WASL: variants seen among roughly 807,000 people sequenced by gnomAD.
WASL encodes the protein actin nucleation-promoting factor WASL.
In WASL, 20 loss-of-function variants were observed where a neutral mutation model predicts 55.5. That is an observed-to-expected ratio of 0.36 (90% CI 0.25 to 0.52). The LOEUF is 0.52. Ranked by LOEUF, WASL falls within the 20% of genes least tolerant of loss-of-function variation. The probability of loss-of-function intolerance (pLI) is 0.92; values close to 1 mark genes in which losing one functional copy is unlikely to be tolerated. For missense variants in WASL, 504 were observed against 622.5 expected (o/e 0.81, Z 2.03); for synonymous variants, 249 against 217.6 (o/e 1.14, Z -1.27).
intron 5 of WASL, among the ~76,000 whole-genome samples, chr7:123,702,847 A>T (rs890832211): frequency 6.6e-6 from 1 of 152,180 alleles, no homozygotes; most frequent in Admixed American, 6.5e-5. Flanking sequence ...CCTGGAACTG[A>T]TCCAACATGG....
chr7:123,713,692 T>C (rs533970297), intron 1 of WASL, among the ~76,000 whole-genome samples: 2 of 152,324 alleles, frequency 1.3e-5, no homozygotes, highest in East Asian at 1.9e-4. Flanking sequence ...AATACATTCC[T>C]AGATGCTCTG....
intron 9 of WASL, among the ~76,000 whole-genome samples, chr7:123,691,760 T>G (rs1803412388): frequency 6.6e-6 from 1 of 152,226 alleles, no homozygotes; most frequent in Non-Finnish European, 1.5e-5. Context: ...GAAATTCTAT[T>G]ACAACTCTTT....
At chr7:123,722,742 T>C (rs1454592607) in intron 1 of WASL, among the ~76,000 whole-genome samples, 2 of 152,008 alleles carry the variant, frequency 1.3e-5, no homozygotes, top group Admixed American at 6.6e-5. Context: ...GAGGCAGAGG[T>C]TGCAGTGAGC....
At chr7:123,728,674 T>C (rs1205746264) in intron 1 of WASL, among the ~76,000 whole-genome samples, 1 of 152,208 alleles carries the variant, frequency 6.6e-6, no homozygotes, top group East Asian at 1.9e-4. Flanking sequence ...GCCCCATCTC[T>C]ACTAAAAATA....
intron 1 of WASL, among the ~76,000 whole-genome samples, chr7:123,731,191 T>C (rs777553924): frequency 3.9e-5 from 6 of 152,112 alleles, no homozygotes; most frequent in Admixed American, 6.6e-5. Context: ...CATATATATA[T>C]GCACACATAT....
chr7:123,722,016 G>A (rs6951138), intron 1 of WASL, among the ~76,000 whole-genome samples: 65,673 of 151,904 alleles, frequency 0.43, 14,749 homozygotes, highest in South Asian at 0.66. Context: ...GGTGGGGGCA[G>A]GGGCAGGCGG....
intron 2 of WASL, 29 bp downstream of exon 2, chr7:123,709,060 G>T: frequency 6.3e-7 from 1 of 1,579,038 alleles, no homozygotes. Flanking sequence ...TAATCACCTA[G>T]TTTAAAGTGA....
intron 1 of WASL, among the ~76,000 whole-genome samples, chr7:123,721,817 G>A (rs1046978050): frequency 1.8e-4 from 27 of 152,188 alleles, no homozygotes; most frequent in African/African-American, 6.3e-4. Context: ...TACTCAGGAG[G>A]CTGAGGCAAG....
chr7:123,704,622 C>A lies in WASL; in HGVS notation c.460+12G>T. 6.6e-7 allele frequency: 1 copy of A among 1,510,974 alleles called. No homozygotes were observed. The highest frequency in any genetic ancestry group is 1.2e-5 in the South Asian group (1 of 83,234). The allele number at this position is 1,510,974 out of a possible 1,614,324, so 93.6% of individuals were successfully genotyped here. A position where few individuals can be genotyped will look rare whatever the true frequency, so the allele number is the denominator to read the frequency against. On this transcript the variant is annotated intron_variant, in intron 5 of 10. Coordinates refer to ENST00000223023, the MANE Select transcript of WASL (RefSeq NM_003941.4). ...AAAATCTTAAAAGATTAATAATTGT[C>A]AAAAAGCTTACCATTTGGGGGATCT...
At chr7:123,735,451 G>C (rs1468656) in intron 1 of WASL, among the ~76,000 whole-genome samples, 69,938 of 150,720 alleles carry the variant, frequency 0.46, 16,439 homozygotes, top group South Asian at 0.67. Flanking sequence ...CAGATGATAG[G>C]AGACAGGACA....
intron 10 of WASL, among the ~76,000 whole-genome samples, chr7:123,686,072 A>C (rs953262510): frequency 3.3e-5 from 5 of 151,252 alleles, no homozygotes; most frequent in Admixed American, 1.3e-4. Context: ...GATTGTGTGA[A>C]GGTAGTATTT....
At chr7:123,746,674 A>G (rs1804435733) in intron 1 of WASL, among the ~76,000 whole-genome samples, 1 of 152,258 alleles carries the variant, frequency 6.6e-6, no homozygotes, top group Admixed American at 6.5e-5. Flanking sequence ...AAGATGGCAT[A>G]AAGAAATTAA....
intron 1 of WASL, among the ~76,000 whole-genome samples, chr7:123,732,232 A>T (rs559725837): frequency 6.3e-4 from 96 of 152,328 alleles, no homozygotes; most frequent in African/African-American, 2.1e-3. Context: ...CAGAAGGCTG[A>T]GGCAGGAGAA....
chr7:123,684,575 C>T lies in WASL; in HGVS notation c.1462G>A (p.Asp488Asn), dbSNP rs1448110155. 6.7e-7 allele frequency: 1 copy of T among 1,482,856 alleles called. No homozygotes were observed. Among genetic ancestry groups the T allele is most frequent in the East Asian group, 2.5e-5 (1 of 39,994 alleles). 91.9% of individuals were successfully genotyped at this position (1,482,856 alleles called of 1,614,324 possible). Residue 488 changes from aspartate to asparagine, a missense_variant, in exon 11 of 11, where the codon GAT becomes AAT. By Grantham distance (23) the Asp-to-Asn change is conservative. Around this residue, in one of 5 missense-constraint regions of WASL, gnomAD observed 53 missense variants for 69.1 expected, o/e 0.77. Coordinates refer to ENST00000223023, the MANE Select transcript of WASL (RefSeq NM_003941.4). ...RSKAIHSSDE[D>N]EDEDDEEDFE... is the part of the protein sequence containing the mutation. ...TCTTCTTCATCATCTTCATCTTCAT[C>T]TTCATCTACAAGAAAATCAAGACAA...
Position 123,748,794 on chromosome 7 carries a change from C to CG in WASL, c.-61dup. ...CTCCTCCGGCGAGTGGGCGAGAGCTCGTTCCCCCTCTCGGTGACAGGGGCG... is the reference window on the plus strand; with the variant it reads ...CTCCTCCGGCGAGTGGGCGAGAGCTCGGTTCCCCCTCTCGGTGACAGGGGCG... On this transcript the variant is annotated 5_prime_UTR_variant, in exon 1 of 11. Transcript: ENST00000223023. 7.2e-7 allele frequency: 1 copy of CG among 1,381,788 alleles called. No individual in the cohort carries two copies. Among genetic ancestry groups the CG allele is most frequent in the Non-Finnish European group, 9.6e-7 (1 of 1,036,330 alleles). The allele number at this position is 1,381,788 out of a possible 1,614,324, so 85.6% of individuals were successfully genotyped here. A position where few individuals can be genotyped will look rare whatever the true frequency, so the allele number is the denominator to read the frequency against.
At chr7:123,738,169 G>GGTTA (rs1804270086) in intron 1 of WASL, among the ~76,000 whole-genome samples, 1 of 110,618 alleles carries the variant, frequency 9.0e-6, no homozygotes, top group Non-Finnish European at 2.0e-5. Flanking sequence ...CATTAATAGA[G>GGTTA]GTTAATTACA....
rs1803435642 is a variant in WASL, at chr7:123,692,814, G to T, written c.880C>A (p.Pro294Thr). 1 of 1,416,572 alleles carries T rather than the reference G, an allele frequency of 7.1e-7. No homozygotes were observed. The highest frequency in any genetic ancestry group is 9.2e-7 in the Non-Finnish European group (1 of 1,082,306). The allele number at this position is 1,416,572 out of a possible 1,614,324, so 87.8% of individuals were successfully genotyped here. The change falls in exon 9 of 11, where the codon CCA becomes ACA. Residue 294 changes from proline (P) to threonine (T), a missense_variant. This residue lies in a region of WASL where 201 missense variants were observed against 206.2 expected (regional missense o/e 0.97). Transcript: ENST00000223023. ...GGAGGAGGAGGACCTGAGTTGTGTGGAGGGGGAGGAGGAGGAGGTGGCCCT... is the reference window on the plus strand; with the variant it reads ...GGAGGAGGAGGACCTGAGTTGTGTGTAGGGGGAGGAGGAGGAGGTGGCCCT... ...RGGPPPPPPP[P>T]HNSGPPPPPA...
intron 5 of WASL, among the ~76,000 whole-genome samples, chr7:123,697,027 T>A (rs929059701): frequency 1.3e-5 from 2 of 152,110 alleles, no homozygotes; most frequent in African/African-American, 4.8e-5. Flanking sequence ...TTAAATATAA[T>A]TAGTCTAATC....
chr7:123,686,642 C>T lies in WASL; in HGVS notation c.1457-2062G>A, dbSNP rs577971729. Among the ~76,000 whole-genome samples, 713 of 152,102 alleles carry T rather than the reference C, an allele frequency of 4.7e-3. 3 individuals carry two copies. The highest frequency in any genetic ancestry group is 7.3e-3 in the Non-Finnish European group (494 of 67,940). ...CACAGATACCAGCATAGAATAAATG[C>T]TTTTTCAGAATCATGTAGTTCACAG... On this transcript the variant is annotated intron_variant, in intron 10 of 10. Coordinates refer to ENST00000223023, the MANE Select transcript of WASL (RefSeq NM_003941.4).
Sources: gnomAD v4.1 joint callset for allele counts (sites outside exome capture counted in the v4.1 genomes callset) on GRCh38, gnomAD v4.1.1 for gene constraint, gnomAD v4.1.1 regional missense constraint, MANE v1.5 for transcripts, NCBI Gene and HGNC (gene_info 2026-07-23, HGNC 2026-07-21) for gene names.